The following SCN11A variants were observed in gnomAD, a reference collection of about 807,000 sequenced individuals.
SCN11A encodes sodium voltage-gated channel alpha subunit 11.
A neutral mutation model predicts 162.2 loss-of-function variants in SCN11A; 122 were observed. The observed-to-expected ratio is 0.75, with a 90% CI of 0.65 to 0.87. SCN11A has a LOEUF of 0.87. SCN11A is among the 40% of genes least tolerant of loss of function. The pLI is 0.00. For missense variants in SCN11A, 2,015 were observed against 2,181.6 expected (o/e 0.92, Z 1.52); for synonymous variants, 758 against 751.5 (o/e 1.01, Z -0.14).
chr3:38,954,627 T>TA (rs796404362), intron 3 of SCN11A, among the ~76,000 whole-genome samples: 4 of 151,314 alleles, frequency 2.6e-5, no homozygotes, highest in Admixed American at 6.6e-5. Flanking sequence ...TTATAGATGA[T>TA]AAAAAAACAA....
chr3:38,985,932 G>A (rs946975243), intron 2 of SCN11A, among the ~76,000 whole-genome samples: 1 of 150,880 alleles, frequency 6.6e-6, no homozygotes, highest in African/African-American at 2.5e-5. Flanking sequence ...GGGACTAAAG[G>A]GTCTGCTTTG....
chr3:38,876,905 T>C (rs924225067), intron 23 of SCN11A, among the ~76,000 whole-genome samples: 4 of 151,656 alleles, frequency 2.6e-5, no homozygotes. Context: ...TGCACACACG[T>C]TTATAGCAGC....
chr3:38,890,372 T>C (rs1410503575), intron 19 of SCN11A, among the ~76,000 whole-genome samples: 1 of 152,210 alleles, frequency 6.6e-6, no homozygotes, highest in Non-Finnish European at 1.5e-5. Context: ...TGTGGGGAAG[T>C]ATAAGTCTAA....
chr3:38,881,157 C>A, intron 22 of SCN11A, among the ~76,000 whole-genome samples: 1 of 152,204 alleles, frequency 6.6e-6, no homozygotes, highest in East Asian at 1.9e-4. Context: ...AAGATTTCAG[C>A]TTAGCTGATA....
At chr3:38,867,578 C>G (rs1439414824) in intron 26 of SCN11A, 120 bp from the exon 27 acceptor site, 2 of 703,498 alleles carry the variant, frequency 2.8e-6, no homozygotes, top group Non-Finnish European at 4.6e-6. Context: ...TACATAGCCT[C>G]TTCCTAACAG....
At chr3:38,856,400 C>T (rs1318725799) in intron 28 of SCN11A, among the ~76,000 whole-genome samples, 1 of 152,218 alleles carries the variant, frequency 6.6e-6, no homozygotes, top group Non-Finnish European at 1.5e-5. Flanking sequence ...GGAACATCAA[C>T]ATTCCTACAG....
At chr3:38,972,403 G>C (rs886248146) in intron 2 of SCN11A, among the ~76,000 whole-genome samples, 8 of 152,144 alleles carry the variant, frequency 5.3e-5, no homozygotes, top group African/African-American at 1.9e-4. Context: ...CCAAGGGAGA[G>C]AGAATCAGAG....
At chr3:38,960,787 G>C (rs1360430895) in intron 2 of SCN11A, among the ~76,000 whole-genome samples, 1 of 152,112 alleles carries the variant, frequency 6.6e-6, no homozygotes, top group Non-Finnish European at 1.5e-5. Context: ...TTGCTTACAG[G>C]GTGTCCATTT....
chr3:38,939,556 T>C (rs1026800816), intron 7 of SCN11A, among the ~76,000 whole-genome samples: 12 of 152,202 alleles, frequency 7.9e-5, no homozygotes, highest in Non-Finnish European at 1.2e-4. Context: ...TAAATCACTT[T>C]ACTGGATAAT....
chr3:38,943,326 A>G (rs13071065), intron 7 of SCN11A, among the ~76,000 whole-genome samples: 18,966 of 152,136 alleles, frequency 0.12, 1,286 homozygotes, highest in Middle Eastern at 0.16. Context: ...GGGAGTGGGA[A>G]TCGGGGATTA....
chr3:38,931,057 C>T (rs2125558728), intron 7 of SCN11A, among the ~76,000 whole-genome samples: 2 of 152,328 alleles, frequency 1.3e-5, no homozygotes, highest in South Asian at 4.1e-4. Flanking sequence ...TCCATAGGTC[C>T]TGCCCTCCTC....
At chr3:38,979,297 T>C (rs2029914447) in intron 2 of SCN11A, among the ~76,000 whole-genome samples, 1 of 152,236 alleles carries the variant, frequency 6.6e-6, no homozygotes, top group Admixed American at 6.5e-5. Context: ...TGGATGTAAC[T>C]TTTTTCTTCC....
At chr3:38,998,146 T>A (rs938940962) in intron 2 of SCN11A, among the ~76,000 whole-genome samples, 1 of 152,198 alleles carries the variant, frequency 6.6e-6, no homozygotes, top group Non-Finnish European at 1.5e-5. Flanking sequence ...ACTCACTTTA[T>A]AAATATTTAC....
intron 1 of SCN11A, among the ~76,000 whole-genome samples, chr3:39,034,942 T>C (rs564962610): frequency 5.9e-5 from 9 of 152,220 alleles, no homozygotes; most frequent in African/African-American, 2.2e-4. Context: ...TAAAGGAAAT[T>C]GAAGCAGACA....
chr3:38,967,321 T>A (rs2066789238), intron 2 of SCN11A, among the ~76,000 whole-genome samples: 1 of 152,184 alleles, frequency 6.6e-6, no homozygotes, highest in African/African-American at 2.4e-5. Context: ...TAAAGGGCAT[T>A]GCAAGTTTTG....
At chr3:39,024,771 G>A (rs574171302) in intron 2 of SCN11A, among the ~76,000 whole-genome samples, 156 of 152,112 alleles carry the variant, frequency 1.0e-3, no homozygotes, top group Non-Finnish European at 1.9e-3. Context: ...GGCCAGAAGA[G>A]TTTAGACAGA....
At chr3:38,990,213 G>A (rs1647182854) in intron 2 of SCN11A, among the ~76,000 whole-genome samples, 1 of 152,186 alleles carries the variant, frequency 6.6e-6, no homozygotes, top group South Asian at 2.1e-4. Flanking sequence ...CTCAGAGCAA[G>A]GGAGGCACTC....
In SCN11A at chr3:38,955,694, T is replaced by C. The variant is rs142843390; in HGVS notation, c.-138-1935A>G. On this transcript the variant is annotated intron_variant, in intron 3 of 29. Transcript: ENST00000302328. ...AAGAATTAAATTAGCTAAGTGCAATTATTTTCCAAGTCCTGCTAACAAATT... is the reference window on the plus strand; with the variant it reads ...AAGAATTAAATTAGCTAAGTGCAATCATTTTCCAAGTCCTGCTAACAAATT... Among the ~76,000 whole-genome samples, 5 of 151,988 alleles carry C rather than the reference T, an allele frequency of 3.3e-5. No homozygotes were observed. In the East Asian group the frequency reaches 9.6e-4, roughly 29 times the overall value.
At chr3:38,943,798 AC>A (rs1299548862) in intron 7 of SCN11A, among the ~76,000 whole-genome samples, 1 of 152,220 alleles carries the variant, frequency 6.6e-6, no homozygotes, top group African/African-American at 2.4e-5. Context: ...AATGGTGGTT[AC>A]CAGAGATGGG....
Sources: gnomAD v4.1 joint callset for allele counts (sites outside exome capture counted in the v4.1 genomes callset) on GRCh38, gnomAD v4.1.1 for gene constraint, MANE v1.5 for transcripts, NCBI Gene and HGNC (gene_info 2026-07-23, HGNC 2026-07-21) for gene names.